The following EBF1 variants were observed in gnomAD, a reference collection of about 807,000 sequenced individuals.
EBF1 encodes transcription factor COE1.
A neutral mutation model predicts 68.4 loss-of-function variants in EBF1; 10 were observed. The observed-to-expected ratio is 0.15, with a 90% CI of 0.09 to 0.25. The LOEUF (loss-of-function observed/expected upper bound fraction) is 0.25. Among genes scored for constraint, EBF1 ranks in the 10% least tolerant of loss-of-function variants. The pLI is 1.00. For missense variants in EBF1, 509 were observed against 794.4 expected (o/e 0.64, Z 4.32); for synonymous variants, 298 against 299.8 (o/e 0.99, Z 0.06).
At chr5:158,985,457 C>T (rs1758835958) in intron 6 of EBF1, among the ~76,000 whole-genome samples, 1 of 152,216 alleles carries the variant, frequency 6.6e-6, no homozygotes, top group African/African-American at 2.4e-5. Context: ...GGCTAGACAT[C>T]AGTATTTGCT....
intron 6 of EBF1, among the ~76,000 whole-genome samples, chr5:159,037,841 C>T (rs1335016787): frequency 2.0e-5 from 3 of 152,086 alleles, no homozygotes; most frequent in Non-Finnish European, 2.9e-5. Flanking sequence ...TCTCTCAACC[C>T]CTCCAAGCTT....
intron 11 of EBF1, among the ~76,000 whole-genome samples, chr5:158,727,788 C>T (rs1763295287): frequency 6.6e-6 from 1 of 152,194 alleles, no homozygotes; most frequent in African/African-American, 2.4e-5. Context: ...CCCAGCCTCT[C>T]TCGCAGGAGG....
intron 6 of EBF1, among the ~76,000 whole-genome samples, chr5:158,913,850 G>A (rs1283616681): frequency 1.3e-5 from 2 of 152,202 alleles, no homozygotes; most frequent in East Asian, 1.9e-4. Context: ...ATATCTGTAC[G>A]TAAAACAACA....
chr5:158,847,943 G>T, intron 6 of EBF1, among the ~76,000 whole-genome samples: 1 of 152,264 alleles, frequency 6.6e-6, no homozygotes, highest in East Asian at 1.9e-4. Flanking sequence ...GGATGCACAG[G>T]CAGGTGGCAA....
intron 6 of EBF1, among the ~76,000 whole-genome samples, chr5:158,844,404 A>G (rs1315110677): frequency 6.6e-6 from 1 of 152,178 alleles, no homozygotes; most frequent in Non-Finnish European, 1.5e-5. Context: ...CAAGAAAAAC[A>G]AAGACAACAA....
In EBF1 at chr5:158,940,779, C is replaced by G. The variant is rs888551198; in HGVS notation, c.555-100669G>C. On this transcript the variant is annotated intron_variant, in intron 6 of 15. Transcript: ENST00000313708. Reference sequence around the variant, plus strand: ...CACCCCACCGCCCCCCCCCCCCCCCCGCAGGTCAAATGGAGGATGGACTCC... The same window carrying G: ...CACCCCACCGCCCCCCCCCCCCCCCGGCAGGTCAAATGGAGGATGGACTCC... 2.8e-3 allele frequency among the ~76,000 whole-genome samples: 179 copies of G among 63,672 alleles called. 22 individuals are homozygous for G. Among genetic ancestry groups the G allele is most frequent in the African/African-American group, 6.5e-3 (149 of 23,016 alleles). 41.8% of individuals were successfully genotyped at this position (63,672 alleles called of 152,430 possible). A position where few individuals can be genotyped will look rare whatever the true frequency, so the allele number is the denominator to read the frequency against.
At chr5:159,055,228 C>T (rs1352388097) in intron 6 of EBF1, among the ~76,000 whole-genome samples, 1 of 152,186 alleles carries the variant, frequency 6.6e-6, no homozygotes, top group Non-Finnish European at 1.5e-5. Context: ...ATAATAGGTA[C>T]TGTCCAATGT....
chr5:158,864,347 C>T (rs1440354125), intron 6 of EBF1, among the ~76,000 whole-genome samples: 1 of 151,622 alleles, frequency 6.6e-6, no homozygotes, highest in Non-Finnish European at 1.5e-5. Context: ...ATAGTCTTGT[C>T]TTTCTTACCT....
intron 6 of EBF1, among the ~76,000 whole-genome samples, chr5:159,063,218 C>T (rs1225655435): frequency 6.6e-6 from 1 of 152,200 alleles, no homozygotes; most frequent in Non-Finnish European, 1.5e-5. Flanking sequence ...GCTCATCTAC[C>T]TGCCTGTGCT....
chr5:158,849,895 G>A (rs1024710897), intron 6 of EBF1, among the ~76,000 whole-genome samples: 3 of 152,166 alleles, frequency 2.0e-5, no homozygotes, highest in Admixed American at 6.5e-5. Context: ...TAAAGATTAC[G>A]AGTGGCTTTC....
At chr5:158,937,519 G>A (rs1245439238) in intron 6 of EBF1, among the ~76,000 whole-genome samples, 1 of 152,220 alleles carries the variant, frequency 6.6e-6, no homozygotes, top group Non-Finnish European at 1.5e-5. Context: ...GAGCAAGGGT[G>A]TAGGCACACC....
chr5:159,001,918 C>T (rs545822049), intron 6 of EBF1, among the ~76,000 whole-genome samples: 223 of 152,030 alleles, frequency 1.5e-3, no homozygotes, highest in African/African-American at 5.1e-3. Flanking sequence ...CATTATCACC[C>T]GTGTGTGTGT....
chr5:158,846,028 C>A (rs905405864), intron 6 of EBF1, among the ~76,000 whole-genome samples: 8 of 152,192 alleles, frequency 5.3e-5, no homozygotes, highest in African/African-American at 1.9e-4. Context: ...GGAAATGCAT[C>A]AAGGCACACC....
chr5:158,901,987 A>G (rs958792783), intron 6 of EBF1, among the ~76,000 whole-genome samples: 2 of 152,156 alleles, frequency 1.3e-5, no homozygotes, highest in African/African-American at 4.8e-5. Context: ...GCTACTCAGG[A>G]GGCTGAGGCA....
intron 6 of EBF1, among the ~76,000 whole-genome samples, chr5:159,004,887 C>T (rs890257004): frequency 6.6e-6 from 1 of 152,136 alleles, no homozygotes; most frequent in African/African-American, 2.4e-5. Context: ...AGCCAGCCAG[C>T]AATATATCTG....
At chr5:158,863,878 G>A (rs962820431) in intron 6 of EBF1, among the ~76,000 whole-genome samples, 7 of 151,956 alleles carry the variant, frequency 4.6e-5, no homozygotes, top group Admixed American at 6.6e-5. Flanking sequence ...TACAGAAACC[G>A]GAAGCTCAAT....
chr5:158,882,794 G>A (rs978829367), intron 6 of EBF1, among the ~76,000 whole-genome samples: 42 of 152,360 alleles, frequency 2.8e-4, no homozygotes, highest in Middle Eastern at 3.4e-3. Context: ...AGCAATACAT[G>A]TTGCTGTGTT....
At chr5:159,043,485 T>G (rs1178387472) in intron 6 of EBF1, among the ~76,000 whole-genome samples, 2 of 152,212 alleles carry the variant, frequency 1.3e-5, no homozygotes, top group African/African-American at 2.4e-5. Context: ...TCTACAACAG[T>G]CTTCGCTTGG....
intron 6 of EBF1, among the ~76,000 whole-genome samples, chr5:158,883,142 G>C (rs1202333452): frequency 6.6e-6 from 1 of 152,048 alleles, no homozygotes; most frequent in Non-Finnish European, 1.5e-5. Context: ...GCTGTCACCA[G>C]AGAGAGGTAC....
Sources: allele counts gnomAD v4.1 joint callset (sites outside exome capture counted in the v4.1 genomes callset), GRCh38; gene constraint gnomAD v4.1.1; transcripts MANE v1.5; gene names NCBI Gene and HGNC (gene_info 2026-07-23, HGNC 2026-07-21).